The following MAGEB6B variants were observed in gnomAD, a reference collection of about 807,000 sequenced individuals.
MAGEB6B encodes MAGE family member B6B.
For missense variants in MAGEB6B, 277 were observed against 251.5 expected (o/e 1.10, Z -0.69); for synonymous variants, 107 against 102.3 (o/e 1.05, Z -0.27).
exon 1 of MAGEB6B, chrX:26,161,364 C>G (rs778425489): frequency 2.9e-6 from 2 of 678,348 alleles, no homozygotes; most frequent in Non-Finnish European, 4.9e-6. Flanking sequence ...TTGAAAGAAA[C>G]GGATTCCAGC....
chrX:26,160,776 C>T (rs1422177813), exon 1 of MAGEB6B: 1 of 593,613 alleles, frequency 1.7e-6, no homozygotes, highest in Non-Finnish European at 3.0e-6. Context: ...TCTGGTTCCT[C>T]CGTTCCTCAG....
exon 1 of MAGEB6B, chrX:26,161,246 A>G (rs763186170): frequency 2.8e-6 from 2 of 726,192 alleles, no homozygotes; most frequent in Admixed American, 2.2e-5. Flanking sequence ...GAAAGAGCCC[A>G]TTTTGAAGGC....
In MAGEB6B at chrX:26,160,743, G is replaced by A. The variant is rs747045063; in HGVS notation, c.143G>A (p.Cys48Tyr). ...TCTTCGTCATCCTCTTCTGCTGTTT[G>A]TCAGGGTGCTCGTCGTAGGTCTTCT... The change falls in exon 1 of 1, where the codon TGT (cysteine) becomes TAT (tyrosine). Residue 48 changes from cysteine to tyrosine, a missense_variant. By Grantham distance (194) the Cys-to-Tyr change is radical. Transcript: ENST00000416929. 7 of 575,460 alleles carry A rather than the reference G, an allele frequency of 1.2e-5. No individual in the cohort carries two copies. In the African/African-American group the frequency reaches 1.3e-4, roughly 11 times the overall value. The allele number at this position is 575,460 out of a possible 1,213,427, so 47.4% of individuals were successfully genotyped here.
At chrX:26,161,896 G>A, downstream of MAGEB6B, 1 of 1,055,097 alleles carries the variant, frequency 9.5e-7, no homozygotes, top group Non-Finnish European at 1.3e-6. Flanking sequence ...CCCATTTCTA[G>A]GGAGGTCTGA....
exon 1 of MAGEB6B, chrX:26,161,349 T>C (rs1316489637): frequency 1.5e-6 from 1 of 665,333 alleles, no homozygotes; most frequent in African/African-American, 2.1e-5. Flanking sequence ...TTCTTTGGCG[T>C]TGAATTGAAA....
chrX:26,160,632 C>A, exon 1 of MAGEB6B: 1 of 571,619 alleles, frequency 1.7e-6, no homozygotes, highest in Non-Finnish European at 3.2e-6. Flanking sequence ...AAGCTCCGTG[C>A]CCGTGGGAAA....
In MAGEB6B at chrX:26,161,145, A is replaced by G. The variant is rs1172362733; in HGVS notation, c.545A>G (p.Lys182Arg). ...GATGAGGAAAGTTTAAGCTCCTCCA[A>G]GAGAGCTGCGTTCTTTACAACCACA... The change falls in exon 1 of 1, where the codon AAG becomes AGG. Residue 182 changes from lysine to arginine, a missense_variant. Physicochemically the swap from Lys to Arg is conservative, Grantham distance 26 (BLOSUM62 2). Transcript: ENST00000416929. 3 of 844,546 alleles carry G rather than the reference A, an allele frequency of 3.6e-6. No homozygotes were observed. In the African/African-American group the frequency reaches 6.0e-5, roughly 17 times the overall value. 69.6% of individuals were successfully genotyped at this position (844,546 alleles called of 1,213,427 possible). A position where few individuals can be genotyped will look rare whatever the true frequency, so the allele number is the denominator to read the frequency against.
exon 1 of MAGEB6B, chrX:26,161,563 G>C: frequency 5.0e-6 from 6 of 1,211,252 alleles, no homozygotes; most frequent in Non-Finnish European, 6.7e-6. Flanking sequence ...ATGGGATCCT[G>C]CATTCAATCT....
exon 1 of MAGEB6B, chrX:26,160,758 G>C: frequency 1.7e-6 from 1 of 582,402 alleles, no homozygotes; most frequent in Non-Finnish European, 3.1e-6. Context: ...GGTGCTCGTC[G>C]TAGGTCTTCT....
exon 1 of MAGEB6B, chrX:26,161,505 C>A: frequency 8.3e-7 from 1 of 1,207,270 alleles, no homozygotes; most frequent in Non-Finnish European, 1.1e-6. Flanking sequence ...GGCAACCGTG[C>A]CACTGAAGAG....
exon 1 of MAGEB6B, chrX:26,161,081 G>A (rs1354125609): frequency 8.9e-7 from 1 of 1,119,234 alleles, no homozygotes; most frequent in South Asian, 1.8e-5. Flanking sequence ...TGATGCAGAT[G>A]TTTCAGGCTC....
rs377672848 is a variant in MAGEB6B, at chrX:26,160,869, A to T, written c.269A>T (p.Asp90Val). 22 of 608,294 alleles carry T rather than the reference A, an allele frequency of 3.6e-5. No homozygotes were observed. The African/African-American group carries it at 4.2e-4, about 12-fold the overall frequency. The allele number at this position is 608,294 out of a possible 1,213,427, so 50.1% of individuals were successfully genotyped here. ...TATGATGTGGCTGCCATGGGTCAAGATGAGAAAAGTCCTAGTACCTCCCGT... is the reference window on the plus strand; with the variant it reads ...TATGATGTGGCTGCCATGGGTCAAGTTGAGAAAAGTCCTAGTACCTCCCGT... Residue 90 changes from aspartate to valine, a missense_variant, in exon 1 of 1, where the codon GAT (aspartate) becomes GTT (valine). Coordinates refer to ENST00000416929, the Ensembl canonical transcript of MAGEB6B.
chrX:26,161,546 A>C (rs750094503), exon 1 of MAGEB6B: 1 of 1,208,760 alleles, frequency 8.3e-7, no homozygotes, highest in Non-Finnish European at 1.1e-6. Context: ...TCTGTTGGGG[A>C]TATATGATGG....
In MAGEB6B at chrX:26,161,113, G is replaced by C. The variant is rs774308458; in HGVS notation, c.513G>C (p.Lys171Asn). Residue 171 changes from lysine to asparagine, a missense_variant, in exon 1 of 1, where the codon AAG becomes AAC. Physicochemically the swap from Lys to Asn is moderately conservative, Grantham distance 94 (BLOSUM62 0). Transcript: ENST00000416929. Reference sequence around the variant, plus strand: ...GCTCAAAATCTGATGTGGCTGCCAAGGGTCAAGATGAGGAAAGTTTAAGCT... The same window carrying C: ...GCTCAAAATCTGATGTGGCTGCCAACGGTCAAGATGAGGAAAGTTTAAGCT... 5.0e-6 allele frequency: 5 copies of C among 1,004,293 alleles called. No homozygotes were observed. The Admixed American group carries it at 6.6e-5, about 13-fold the overall frequency. The allele number at this position is 1,004,293 out of a possible 1,213,427, so 82.8% of individuals were successfully genotyped here. A position where few individuals can be genotyped will look rare whatever the true frequency, so the allele number is the denominator to read the frequency against.
At chrX:26,161,501 C>G in exon 1 of MAGEB6B, 1 of 1,203,941 alleles carries the variant, frequency 8.3e-7, no homozygotes. Context: ...GAGAGGCAAC[C>G]GTGCCACTGA....
At chrX:26,162,249 T>C (rs1237819268), downstream of MAGEB6B, among the ~76,000 whole-genome samples, 1 of 112,230 alleles carries the variant, frequency 8.9e-6, no homozygotes, top group African/African-American at 3.2e-5. Context: ...GAAGGGACTT[T>C]GATATGAATC....
In MAGEB6B at chrX:26,161,449, G is replaced by A. The variant is rs763257224; in HGVS notation, c.849G>A (p.Pro283=). The change falls in exon 1 of 1, where the codon CCG becomes CCA. Residue 283 remains proline, a synonymous_variant. Coordinates refer to ENST00000416929, the Ensembl canonical transcript of MAGEB6B. ...GTCTGAGTGGTGATAATGCGCTGCC[G>A]AAGTCGGGTCTCCTGATGTCGATCC... 2.2e-5 allele frequency: 24 copies of A among 1,105,383 alleles called. No individual in the cohort carries two copies. In the African/African-American group the frequency reaches 2.2e-4, roughly 10 times the overall value. 91.1% of individuals were successfully genotyped at this position (1,105,383 alleles called of 1,213,427 possible).
exon 1 of MAGEB6B, chrX:26,161,219 C>G: frequency 1.3e-6 from 1 of 750,860 alleles, no homozygotes; most frequent in East Asian, 3.2e-5. Flanking sequence ...GCAATTCCTG[C>G]AGAAGAAGTT....
exon 1 of MAGEB6B, chrX:26,161,581 T>A (rs1258975052): frequency 8.3e-6 from 10 of 1,209,297 alleles, no homozygotes; most frequent in Non-Finnish European, 1.1e-5. Flanking sequence ...TCTATGGGGA[T>A]GCTCGGAAGA....
Sources: allele counts gnomAD v4.1 joint callset (sites outside exome capture counted in the v4.1 genomes callset), GRCh38; gene constraint gnomAD v4.1.1; transcripts MANE v1.5; gene names NCBI Gene and HGNC (gene_info 2026-07-23, HGNC 2026-07-21).